Variants in ASIC2 observed in about 807,000 individuals in gnomAD.
ASIC2 encodes the protein acid sensing ion channel subunit 2, also known as acid-sensing ion channel 2.
Under a neutral mutation model 57.3 loss-of-function variants are expected in ASIC2, and 25 were observed. The observed-to-expected ratio is 0.44, with a 90% CI of 0.32 to 0.61. ASIC2 has a LOEUF of 0.61. Among genes scored for constraint, ASIC2 ranks in the 20% least tolerant of loss-of-function variants. ASIC2 has a pLI of 0.06. For missense variants in ASIC2, 641 were observed against 738.1 expected (o/e 0.87, Z 1.52); for synonymous variants, 319 against 307.5 (o/e 1.04, Z -0.39).
intron 1 of ASIC2, among the ~76,000 whole-genome samples, chr17:33,244,810 G>A (rs4795753): frequency 0.6 from 90,553 of 152,126 alleles, 27,259 homozygotes; most frequent in Middle Eastern, 0.65. Context: ...CTGCTCAGGC[G>A]AGAATGCAGA....
chr17:34,138,013 C>A (rs1330290236), intron 1 of ASIC2, among the ~76,000 whole-genome samples: 1 of 152,180 alleles, frequency 6.6e-6, no homozygotes, highest in East Asian at 1.9e-4. Flanking sequence ...AGAGTCAAAG[C>A]CAGTGAGCTG....
intron 3 of ASIC2, among the ~76,000 whole-genome samples, chr17:33,057,616 T>C (rs139117776): frequency 5.9e-5 from 9 of 152,342 alleles, no homozygotes; most frequent in African/African-American, 2.2e-4. Context: ...CTGCCCTTTC[T>C]GGAACAACCC....
intron 1 of ASIC2, among the ~76,000 whole-genome samples, chr17:33,364,461 C>T (rs370702464): frequency 1.7e-4 from 26 of 152,278 alleles, no homozygotes; most frequent in African/African-American, 5.8e-4. Flanking sequence ...GAATTATAAT[C>T]CCCAGTGTTA....
At chr17:33,550,110 C>T (rs4461123) in intron 1 of ASIC2, among the ~76,000 whole-genome samples, 69,673 of 150,876 alleles carry the variant, frequency 0.46, 16,125 homozygotes, top group South Asian at 0.53. Context: ...TCAGGCCCTC[C>T]ATGAGGTCCA....
chr17:33,063,550 TC>T (rs1367832645), intron 3 of ASIC2, among the ~76,000 whole-genome samples: 2 of 152,222 alleles, frequency 1.3e-5, no homozygotes, highest in Non-Finnish European at 2.9e-5. Context: ...CTGATGGGCT[TC>T]CCTTTGTGGG....
chr17:33,173,787 A>G (rs1905623405), intron 1 of ASIC2, among the ~76,000 whole-genome samples: 1 of 152,214 alleles, frequency 6.6e-6, no homozygotes, highest in Non-Finnish European at 1.5e-5. Flanking sequence ...TGGGACTGCC[A>G]TGAGAATCAC....
intron 3 of ASIC2, among the ~76,000 whole-genome samples, chr17:33,036,275 AGATCACATAGT>A (rs1258435584): frequency 2.0e-5 from 3 of 152,118 alleles, no homozygotes; most frequent in Non-Finnish European, 4.4e-5. Context: ...AGCCTGTGCA[AGATCACATAGT>A]GATCTTGTGA....
At chr17:33,879,564 A>T (rs1914646002) in intron 1 of ASIC2, among the ~76,000 whole-genome samples, 1 of 152,350 alleles carries the variant, frequency 6.6e-6, no homozygotes, top group South Asian at 2.1e-4. Context: ...ACTATCCTAA[A>T]TATATATGCA....
chr17:34,009,417 C>T (rs112028262), intron 1 of ASIC2, among the ~76,000 whole-genome samples: 2 of 152,188 alleles, frequency 1.3e-5, no homozygotes, highest in African/African-American at 4.8e-5. Flanking sequence ...AAATACTTAT[C>T]AGAGTCCTGA....
At chr17:34,052,866 G>A (rs1008416300) in intron 1 of ASIC2, among the ~76,000 whole-genome samples, 8 of 151,748 alleles carry the variant, frequency 5.3e-5, no homozygotes, top group African/African-American at 1.5e-4. Flanking sequence ...TGATCCACCC[G>A]CCTCGCCCTC....
At chr17:34,025,043 T>C (rs901759233) in intron 1 of ASIC2, among the ~76,000 whole-genome samples, 17 of 152,210 alleles carry the variant, frequency 1.1e-4, no homozygotes, top group African/African-American at 4.1e-4. Flanking sequence ...CACTTTGTTG[T>C]CACTACAGAA....
intron 1 of ASIC2, among the ~76,000 whole-genome samples, chr17:33,153,025 G>A (rs1904862718): frequency 6.6e-6 from 1 of 152,170 alleles, no homozygotes; most frequent in Non-Finnish European, 1.5e-5. Flanking sequence ...CTCCCAGGAG[G>A]CCCCTTCCTG....
intron 1 of ASIC2, among the ~76,000 whole-genome samples, chr17:33,918,857 G>A (rs769061728): frequency 7.9e-5 from 12 of 152,226 alleles, no homozygotes; most frequent in Non-Finnish European, 1.8e-4. Context: ...CATGAGTCAT[G>A]CATGCGGAAG....
intron 1 of ASIC2, among the ~76,000 whole-genome samples, chr17:33,863,698 C>A (rs1269193026): frequency 6.6e-6 from 1 of 152,156 alleles, no homozygotes; most frequent in South Asian, 2.1e-4. Flanking sequence ...CTCTGTCAGT[C>A]CATCTGGTAT....
intron 1 of ASIC2, among the ~76,000 whole-genome samples, chr17:33,472,764 G>A (rs912504023): frequency 1.3e-5 from 2 of 152,186 alleles, no homozygotes; most frequent in Non-Finnish European, 1.5e-5. Context: ...CAGGGGCCAG[G>A]AAGGAGGTGA....
intron 1 of ASIC2, among the ~76,000 whole-genome samples, chr17:33,635,693 AC>A (rs1174432715): frequency 6.6e-6 from 1 of 152,248 alleles, no homozygotes; most frequent in Non-Finnish European, 1.5e-5. Context: ...TAGAGAAGGC[AC>A]CAGAGGCAGA....
chr17:34,124,207 T>C (rs2142121740), intron 1 of ASIC2, among the ~76,000 whole-genome samples: 1 of 152,290 alleles, frequency 6.6e-6, no homozygotes, highest in African/African-American at 2.4e-5. Flanking sequence ...ACAGAAAGAA[T>C]ACAGGAAAGC....
chr17:33,363,847 A>G (rs546000546), intron 1 of ASIC2, among the ~76,000 whole-genome samples: 2 of 152,284 alleles, frequency 1.3e-5, no homozygotes, highest in East Asian at 3.9e-4. Context: ...TTGGGGGAAT[A>G]TTAATGGCAC....
At chr17:33,928,272 G>A (rs1915864299) in intron 1 of ASIC2, among the ~76,000 whole-genome samples, 2 of 152,202 alleles carry the variant, frequency 1.3e-5, no homozygotes, top group East Asian at 1.9e-4. Flanking sequence ...CTAACTCAAT[G>A]TGCTGGACAG....
Sources: allele counts gnomAD v4.1 joint callset (sites outside exome capture counted in the v4.1 genomes callset), GRCh38; gene constraint gnomAD v4.1.1; transcripts MANE v1.5; gene names NCBI Gene and HGNC (gene_info 2026-07-23, HGNC 2026-07-21).